The following RYR3 variants were observed in gnomAD, a reference collection of about 807,000 sequenced individuals.
The protein encoded by RYR3 is ryanodine receptor 3.
RYR3 carries 207 observed loss-of-function variants against 584.3 expected under a neutral mutation model. The observed-to-expected ratio is 0.35, with a 90% CI of 0.32 to 0.40. The LOEUF (loss-of-function observed/expected upper bound fraction) is 0.40. Ranked by LOEUF, RYR3 falls within the 10% of genes least tolerant of loss-of-function variation. RYR3 has a pLI of 1.00. For synonymous variants in RYR3, 2,416 were observed against 2,248.5 expected (o/e 1.07, Z -2.11); for missense variants, 5,616 against 6,089.2 (o/e 0.92, Z 2.59).
Position 33,601,560 on chromosome 15 carries a change from C to T in RYR3, c.1922+8C>T, listed in dbSNP as rs1259635908. ...GATTAACGATGTAACCAGGTAAGGC[C>T]ACCACCACCATTCCAAATGCCAAGC... On this transcript the variant is annotated splice_region_variant and intron_variant, in intron 17 of 103. Transcript: ENST00000634891. The T allele has an allele frequency of 1.3e-6, 2 of 1,599,102 alleles. No homozygotes were observed. The highest frequency in any genetic ancestry group is 2.2e-5 in the East Asian group (1 of 44,592).
At position 33,800,891 on chromosome 15, in the gene RYR3, G is replaced by A. The variant is rs770037397; in HGVS notation, c.9918+34G>A. The stretch of plus-strand genomic sequence containing the variant: ...ACATTTGGGCCCTGGGTTTAGAATG[G>A]TTGTGAAAGCTGCAGACCGTGGAAA... On this transcript the variant is annotated intron_variant, in intron 68 of 103. Coordinates refer to ENST00000634891, the MANE Select transcript of RYR3 (RefSeq NM_001036.6). 9.7e-6 allele frequency: 14 copies of A among 1,446,454 alleles called. No individual in the cohort carries two copies. The Admixed American group carries it at 2.2e-4, about 23-fold the overall frequency. 89.6% of individuals were successfully genotyped at this position (1,446,454 alleles called of 1,614,324 possible).
chr15:33,668,316 CAAAA>C (rs931599027), intron 36 of RYR3, among the ~76,000 whole-genome samples: 4 of 151,796 alleles, frequency 2.6e-5, no homozygotes, highest in African/African-American at 9.7e-5. Context: ...GACTCTGTCT[CAAAA>C]AAACAAACAA....
In RYR3 at chr15:33,696,243, G is replaced by A. The variant is rs146534476; in HGVS notation, c.5886G>A (p.Gln1962=). ...CAACATTGAAGGAACTCATCTCACA[G>A]ACGATGATCTGCTGGGCCCAGGAGG... The part of the protein sequence containing the change: ...CPTTLKELIS[Q]TMICWAQEDQ... The change falls in exon 39 of 104, where the codon CAG becomes CAA. Residue 1962 remains glutamine (Q), a synonymous_variant. Transcript: ENST00000634891. The A allele has an allele frequency of 6.2e-7, 1 of 1,613,690 alleles. No individual in the cohort carries two copies. Among genetic ancestry groups the A allele is most frequent in the Non-Finnish European group, 8.5e-7 (1 of 1,179,828 alleles).
chr15:33,401,768 T>C lies in RYR3; in HGVS notation c.52-71651T>C, dbSNP rs74943154. On this transcript the variant is annotated intron_variant, in intron 1 of 103. Transcript: ENST00000634891. ...TTATATGGATGACAAATCCTATATT[T>C]GACAGCATCTTAGAATAAATACAAT... Among the ~76,000 whole-genome samples, 1,229 of 152,348 alleles carry C rather than the reference T, an allele frequency of 8.1e-3. 22 individuals carry two copies. Among genetic ancestry groups the C allele is most frequent in the African/African-American group, 0.028 (1,168 of 41,580 alleles).
rs139268403 is a variant in RYR3, at chr15:33,665,407, G to A, written c.5619+1670G>A. Among the ~76,000 whole-genome samples the A allele has an allele frequency of 6.1e-3, 922 of 152,306 alleles. 5 individuals are homozygous for A. The highest frequency in any genetic ancestry group is 9.3e-3 in the Non-Finnish European group (632 of 68,018). On this transcript the variant is annotated intron_variant, in intron 36 of 103. Coordinates refer to ENST00000634891, the MANE Select transcript of RYR3 (RefSeq NM_001036.6). ...AGAGTAAGCATTCTGTAAGTACTAA[G>A]CGAGCTACTATTACTTTTATTGTTG...
chr15:33,400,423 G>A (rs993888460), intron 1 of RYR3, among the ~76,000 whole-genome samples: 11 of 152,126 alleles, frequency 7.2e-5, no homozygotes, highest in Non-Finnish European at 1.5e-4. Context: ...TTTAAAGCCC[G>A]TTCCTACTGA....
intron 1 of RYR3, among the ~76,000 whole-genome samples, chr15:33,323,390 G>T (rs1278258994): frequency 1.3e-5 from 2 of 152,092 alleles, no homozygotes; most frequent in Non-Finnish European, 2.9e-5. Context: ...TTACAGGCGT[G>T]AGCCACCGCG....
intron 87 of RYR3, among the ~76,000 whole-genome samples, chr15:33,835,463 C>G (rs934530921): frequency 6.6e-6 from 1 of 152,176 alleles, no homozygotes; most frequent in Non-Finnish European, 1.5e-5. Context: ...TCTTCTCTCT[C>G]ACTCCTGCTT....
chr15:33,624,047 G>A, intron 20 of RYR3, 24 bp downstream of exon 20: 2 of 1,511,978 alleles, frequency 1.3e-6, no homozygotes, highest in Non-Finnish European at 1.8e-6. Flanking sequence ...GCCCGCAGAA[G>A]GCAACCAATA....
intron 1 of RYR3, among the ~76,000 whole-genome samples, chr15:33,342,413 A>G (rs997014615): frequency 2.0e-5 from 3 of 152,198 alleles, no homozygotes; most frequent in Non-Finnish European, 4.4e-5. Context: ...GGGATTTAGC[A>G]TTATGTTAGT....
chr15:33,587,949 T>G (rs1329627255), intron 16 of RYR3, among the ~76,000 whole-genome samples: 2 of 152,224 alleles, frequency 1.3e-5, no homozygotes, highest in Admixed American at 1.3e-4. Context: ...GCTGCATTGT[T>G]GTCTCCAGTC....
At chr15:33,414,873 G>A (rs566232663) in intron 1 of RYR3, among the ~76,000 whole-genome samples, 14 of 152,322 alleles carry the variant, frequency 9.2e-5, no homozygotes, top group African/African-American at 2.4e-4. Context: ...GATTACAGGC[G>A]TGAGCCACCG....
At chr15:33,427,845 G>A (rs765801043) in intron 1 of RYR3, among the ~76,000 whole-genome samples, 3 of 152,162 alleles carry the variant, frequency 2.0e-5, no homozygotes, top group Non-Finnish European at 4.4e-5. Flanking sequence ...CCCCATTTCC[G>A]CTGGGCAGCC....
chr15:33,317,605 T>C (rs1595694677), intron 1 of RYR3, among the ~76,000 whole-genome samples: 1 of 152,360 alleles, frequency 6.6e-6, no homozygotes, highest in East Asian at 1.9e-4. Context: ...ACCTCAGCCC[T>C]GATCCTGCTA....
At chr15:33,392,234 A>G (rs567796706) in intron 1 of RYR3, among the ~76,000 whole-genome samples, 2 of 151,384 alleles carry the variant, frequency 1.3e-5, no homozygotes, top group South Asian at 2.1e-4. Flanking sequence ...AAATAAAGGA[A>G]TGAAGAGACT....
At chr15:33,765,632 C>CAAAA (rs761552773) in intron 60 of RYR3, among the ~76,000 whole-genome samples, 15 of 60,876 alleles carry the variant, frequency 2.5e-4, no homozygotes, top group Non-Finnish European at 3.7e-4. Flanking sequence ...GACTCCGTCT[C>CAAAA]AAAAAAAAAA....
chr15:33,497,418 T>A (rs1392897951), intron 2 of RYR3, among the ~76,000 whole-genome samples: 1 of 152,150 alleles, frequency 6.6e-6, no homozygotes. Flanking sequence ...ATCCAGTTAG[T>A]CACCAGGCTT....
chr15:33,586,093 G>T lies in RYR3; in HGVS notation c.1765G>T (p.Asp589Tyr). 2 of 1,610,682 alleles carry T rather than the reference G, an allele frequency of 1.2e-6. No individual in the cohort carries two copies. The highest frequency in any genetic ancestry group is 2.2e-5 in the East Asian group (1 of 44,848). ...CATCAAGTCGATCATCTCCCTGTTG[G>T]ATAAGCACGGGCGGAATCACAAGGT... is the stretch of plus-strand genomic sequence containing the variant. ...GHIKSIISLL[D>Y]KHGRNHKVLD... Residue 589 changes from aspartate (D) to tyrosine (Y), a missense_variant, in exon 16 of 104, where the codon GAT becomes TAT. By Grantham distance (160) the Asp-to-Tyr change is radical (BLOSUM62 -3). Around this residue, in one of 9 missense-constraint regions of RYR3, gnomAD observed 1,284 missense variants for 1,344.6 expected, o/e 0.95. Coordinates refer to ENST00000634891, the MANE Select transcript of RYR3 (RefSeq NM_001036.6).
intron 42 of RYR3, among the ~76,000 whole-genome samples, chr15:33,704,506 C>T (rs1465515804): frequency 6.6e-6 from 1 of 152,204 alleles, no homozygotes; most frequent in Non-Finnish European, 1.5e-5. Context: ...TGCCACCTGT[C>T]GTGAGAGCTT....
Sources: gnomAD v4.1 joint callset for allele counts (sites outside exome capture counted in the v4.1 genomes callset) on GRCh38, gnomAD v4.1.1 for gene constraint, gnomAD v4.1.1 regional missense constraint, MANE v1.5 for transcripts, NCBI Gene and HGNC (gene_info 2026-07-23, HGNC 2026-07-21) for gene names.